NTN4: variants seen among roughly 807,000 people sequenced by gnomAD.
NTN4 encodes netrin-4.
A neutral mutation model predicts 73.6 loss-of-function variants in NTN4; 32 were observed. The observed-to-expected ratio is 0.44, with a 90% CI of 0.33 to 0.58. NTN4 has a LOEUF of 0.58. Ranked by LOEUF, NTN4 falls within the 20% of genes least tolerant of loss-of-function variation. The pLI is 0.04. For missense variants in NTN4, 654 were observed against 798.3 expected, an observed-to-expected ratio of 0.82 and a Z score of 2.18; for synonymous variants, 258 against 287.5, an observed-to-expected ratio of 0.90 and a Z score of 1.04.
chr12:95,779,371 TGTTTGCAG>T (rs1262937256), intron 2 of NTN4, among the ~76,000 whole-genome samples: 6 of 152,370 alleles, frequency 3.9e-5, no homozygotes, highest in South Asian at 2.1e-4. Flanking sequence ...AAATTGTCCC[TGTTTGCAG>T]ATGACATGAT....
intron 2 of NTN4, among the ~76,000 whole-genome samples, chr12:95,757,027 C>G (rs920741352): frequency 6.6e-6 from 1 of 152,166 alleles, no homozygotes; most frequent in Non-Finnish European, 1.5e-5. Context: ...TTCTTCCAGA[C>G]TTAGAATATA....
intron 2 of NTN4, among the ~76,000 whole-genome samples, chr12:95,744,867 GAA>G (rs1206016175): frequency 8.1e-6 from 1 of 123,282 alleles, no homozygotes; most frequent in Non-Finnish European, 1.7e-5. Flanking sequence ...CTTTATGTCT[GAA>G]AAAGTCTTGA....
Position 95,738,064 on chromosome 12 carries a change from G to A in NTN4, c.666C>T (p.Thr222=). The change falls in exon 3 of 10, where the codon ACC becomes ACT. Residue 222 remains threonine, a synonymous_variant. Transcript: ENST00000343702. ...GTTTCAGCAGCTGCACGCGAAGGTT[G>A]GTGATCTTCAGCTGCTCCTGAACTT... is the stretch of plus-strand genomic sequence containing the variant. ...SAKVQEQLKI[T]NLRVQLLKRQ... 6.2e-7 allele frequency: 1 copy of A among 1,614,094 alleles called. No homozygotes were observed. Among genetic ancestry groups the A allele is most frequent in the Non-Finnish European group, 8.5e-7 (1 of 1,179,956 alleles).
At chr12:95,782,406 G>A (rs201216080) in intron 2 of NTN4, among the ~76,000 whole-genome samples, 17 of 151,384 alleles carry the variant, frequency 1.1e-4, no homozygotes, top group African/African-American at 3.4e-4. Flanking sequence ...AGCAATTCTC[G>A]TGCCTCAGCT....
At chr12:95,681,605 G>A (rs1383130117) in intron 7 of NTN4, among the ~76,000 whole-genome samples, 1 of 152,168 alleles carries the variant, frequency 6.6e-6, no homozygotes, top group Non-Finnish European at 1.5e-5. Context: ...TTGTGTTAAG[G>A]AGCAAGTTAG....
At chr12:95,709,865 TA>T (rs2078551039) in intron 5 of NTN4, among the ~76,000 whole-genome samples, 1 of 152,048 alleles carries the variant, frequency 6.6e-6, no homozygotes, top group African/African-American at 2.4e-5. Context: ...GTTATGTCAA[TA>T]AAAAAGCAGA....
chr12:95,777,309 C>T (rs2079100773), intron 2 of NTN4, among the ~76,000 whole-genome samples: 1 of 152,034 alleles, frequency 6.6e-6, no homozygotes, highest in African/African-American at 2.4e-5. Flanking sequence ...TCACACATAA[C>T]AATATTAACC....
intron 5 of NTN4, among the ~76,000 whole-genome samples, chr12:95,702,298 C>G (rs190894829): frequency 1.0e-5 from 1 of 100,214 alleles, no homozygotes; most frequent in Non-Finnish European, 2.2e-5. Flanking sequence ...AAAAAAAAAA[C>G]AAAAAAAAAG....
chr12:95,777,753 T>A (rs1381688670), intron 2 of NTN4, among the ~76,000 whole-genome samples: 1 of 152,164 alleles, frequency 6.6e-6, no homozygotes, highest in African/African-American at 2.4e-5. Flanking sequence ...ATTAGACAGA[T>A]CAACCAGACA....
intron 3 of NTN4, among the ~76,000 whole-genome samples, chr12:95,721,915 T>G (rs1025757552): frequency 6.6e-6 from 1 of 152,150 alleles, no homozygotes; most frequent in Non-Finnish European, 1.5e-5. Context: ...AGTGTGCATG[T>G]GCATGCACAC....
chr12:95,743,773 A>G (rs1157655720), intron 2 of NTN4, among the ~76,000 whole-genome samples: 1 of 152,204 alleles, frequency 6.6e-6, no homozygotes, highest in African/African-American at 2.4e-5. Flanking sequence ...TGTCTTGATA[A>G]TGCACCTTGT....
intron 2 of NTN4, among the ~76,000 whole-genome samples, chr12:95,739,177 T>G (rs914582943): frequency 6.6e-6 from 1 of 152,258 alleles, no homozygotes; most frequent in Admixed American, 6.5e-5. Flanking sequence ...ATTAATTAAT[T>G]TAACATTGTT....
rs1205434581 is a variant in NTN4, at chr12:95,728,760, A to C, written c.864+9106T>G. On this transcript the variant is annotated intron_variant, in intron 3 of 9. Coordinates refer to ENST00000343702, the MANE Select transcript of NTN4 (RefSeq NM_021229.4). ...GGATCTGTGTCCCCATCCAAATCTC[A>C]TGTCAAACTGTAATCCCCAGTGTTG... is the stretch of plus-strand genomic sequence containing the variant. Among the ~76,000 whole-genome samples the C allele has an allele frequency of 2.0e-5, 3 of 152,126 alleles. No homozygotes were observed. In the East Asian group the frequency reaches 5.8e-4, roughly 29 times the overall value.
In NTN4 at chr12:95,789,138, A is replaced by G. The variant is rs2121313453; in HGVS notation, c.55+1117T>C. Among the ~76,000 whole-genome samples, 1 of 152,348 alleles carries G rather than the reference A, an allele frequency of 6.6e-6. No individual in the cohort carries two copies. The highest frequency in any genetic ancestry group is 1.9e-4 in the East Asian group (1 of 5,188). ...GAGCCAGATAAAGAATCCATGGGGC[A>G]AAATACTTGGAGTCACTCAAGGGAC... On this transcript the variant is annotated intron_variant, in intron 1 of 9. Coordinates refer to ENST00000343702, the MANE Select transcript of NTN4 (RefSeq NM_021229.4). This position sits in a 1 kb window ranked among gnomAD's most constrained non-coding sequence, Gnocchi z 4.0.
chr12:95,667,779 G>A (rs887944363), intron 8 of NTN4, among the ~76,000 whole-genome samples: 1 of 152,158 alleles, frequency 6.6e-6, no homozygotes, highest in African/African-American at 2.4e-5. Context: ...AGAAATGCTT[G>A]AAACTGGGAG....
chr12:95,715,841 C>T (rs552266619), intron 3 of NTN4, among the ~76,000 whole-genome samples: 1 of 152,148 alleles, frequency 6.6e-6, no homozygotes, highest in East Asian at 1.9e-4. Context: ...AATCAAATAA[C>T]TTCTATGTGG....
chr12:95,683,533 C>G lies in NTN4; in HGVS notation c.1359G>C (p.Gly453=), dbSNP rs755907823. 1 of 1,614,186 alleles carries G rather than the reference C, an allele frequency of 6.2e-7. No homozygotes were observed. Among genetic ancestry groups the G allele is most frequent in the Non-Finnish European group, 8.5e-7 (1 of 1,180,040 alleles). ...AGTCTCCGGTGATAGGGTCACAGCT[C>G]CCCGCACAGTCACATGGTCGACAGC... is the stretch of plus-strand genomic sequence containing the variant. ...DYGCRPCDCA[G]SCDPITGDCI... The change falls in exon 6 of 10, where the codon GGG becomes GGC. Residue 453 remains glycine, a synonymous_variant. Transcript: ENST00000343702.
chr12:95,689,200 T>G (rs572347203), intron 5 of NTN4, among the ~76,000 whole-genome samples: 24 of 152,170 alleles, frequency 1.6e-4, no homozygotes, highest in Non-Finnish European at 3.5e-4. Context: ...TTTATTAGAA[T>G]CTCATTCATT....
intron 3 of NTN4, among the ~76,000 whole-genome samples, chr12:95,733,174 C>G (rs1243255525): frequency 6.6e-6 from 1 of 152,202 alleles, no homozygotes; most frequent in East Asian, 1.9e-4. Context: ...TCCATATTCC[C>G]TCTTATTACC....
Sources: allele counts gnomAD v4.1 joint callset (sites outside exome capture counted in the v4.1 genomes callset), GRCh38; gene constraint gnomAD v4.1.1; non-coding constraint Gnocchi (gnomAD v3.1); transcripts MANE v1.5; gene names NCBI Gene and HGNC (gene_info 2026-07-23, HGNC 2026-07-21).